The following STIM1 variants were observed in gnomAD, a reference collection of about 807,000 sequenced individuals.
STIM1 encodes the protein stromal interaction molecule 1.
STIM1 carries 25 observed loss-of-function variants against 74.7 expected under a neutral mutation model. The observed-to-expected ratio is 0.33, with a 90% CI of 0.24 to 0.47. The LOEUF (loss-of-function observed/expected upper bound fraction) is 0.47, where lower values mean the gene tolerates loss of function less well. STIM1 is among the 20% of genes least tolerant of loss of function. The probability of loss-of-function intolerance (pLI) is 1.00; values close to 1 mark genes in which losing one functional copy is unlikely to be tolerated. For missense variants in STIM1, 728 were observed against 920.8 expected (o/e 0.79, Z 2.71); for synonymous variants, 328 against 348.8 (o/e 0.94, Z 0.66).
intron 2 of STIM1, among the ~76,000 whole-genome samples, chr11:4,012,489 G>C (rs1044147063): frequency 6.6e-5 from 10 of 152,106 alleles, no homozygotes; most frequent in African/African-American, 2.2e-4. Flanking sequence ...TGTAGTAATT[G>C]TGAATGGGAG....
intron 6 of STIM1, among the ~76,000 whole-genome samples, chr11:4,073,314 T>C (rs1269106031): frequency 6.6e-6 from 1 of 152,174 alleles, no homozygotes; most frequent in African/African-American, 2.4e-5. Flanking sequence ...ATTAGCAAAC[T>C]CTCAGTCTTT....
intron 1 of STIM1, among the ~76,000 whole-genome samples, chr11:3,912,386 A>T (rs2092579240): frequency 6.7e-6 from 1 of 149,498 alleles, no homozygotes; most frequent in African/African-American, 2.5e-5. Flanking sequence ...TTTTTTTGAG[A>T]CGGAGTTTCA....
chr11:3,934,780 A>G (rs2092913193), intron 1 of STIM1, among the ~76,000 whole-genome samples: 1 of 152,230 alleles, frequency 6.6e-6, no homozygotes, highest in Admixed American at 6.5e-5. Flanking sequence ...TCAAACATGC[A>G]GTGCAGTAGC....
chr11:3,951,654 C>T (rs1370184512), intron 1 of STIM1, among the ~76,000 whole-genome samples: 1 of 152,130 alleles, frequency 6.6e-6, no homozygotes, highest in Admixed American at 6.5e-5. Flanking sequence ...ACTGATTGAA[C>T]CCAGAAGGGT....
intron 1 of STIM1, among the ~76,000 whole-genome samples, chr11:3,959,239 CT>C (rs2093257048): frequency 6.6e-6 from 1 of 152,130 alleles, no homozygotes; most frequent in South Asian, 2.1e-4. Context: ...GATGGGGCCC[CT>C]GCTGGTAAAA....
At chr11:3,918,541 A>AAAAAGAAAG (rs1278692734) in intron 1 of STIM1, among the ~76,000 whole-genome samples, 1 of 146,286 alleles carries the variant, frequency 6.8e-6, no homozygotes, top group East Asian at 2.0e-4. Context: ...CTCAAAAAAA[A>AAAAAGAAAG]AAAGAAAGAA....
intron 1 of STIM1, among the ~76,000 whole-genome samples, chr11:3,899,630 T>G (rs1158564077): frequency 6.6e-6 from 1 of 151,492 alleles, no homozygotes; most frequent in Non-Finnish European, 1.5e-5. Flanking sequence ...TTTTGTCCAT[T>G]CAGTATGATA....
intron 11 of STIM1, 170 bp from the exon 12 acceptor site, chr11:4,086,307 A>T: frequency 1.4e-6 from 1 of 699,638 alleles, no homozygotes; most frequent in Non-Finnish European, 2.4e-6. Flanking sequence ...TCAATTTCCC[A>T]TCCTTTTAGG....
chr11:3,957,622 A>G (rs1243303919), intron 1 of STIM1, among the ~76,000 whole-genome samples: 1 of 151,854 alleles, frequency 6.6e-6, no homozygotes, highest in East Asian at 1.9e-4. Flanking sequence ...CAGTGTCATG[A>G]TCATGGCTGA....
chr11:4,088,068 T>G (rs1303036662), intron 12 of STIM1, among the ~76,000 whole-genome samples: 1 of 152,082 alleles, frequency 6.6e-6, no homozygotes, highest in Non-Finnish European at 1.5e-5. Context: ...CTCCGTTGGA[T>G]ATTTTTGTCT....
At chr11:4,087,029 C>T (rs1236485955) in intron 12 of STIM1, among the ~76,000 whole-genome samples, 1 of 152,188 alleles carries the variant, frequency 6.6e-6, no homozygotes, top group Non-Finnish European at 1.5e-5. Flanking sequence ...GGTCAGCCTA[C>T]TTTCTCCCCT....
Position 4,074,698 on chromosome 11 carries a change from TCCTGGACA to T in STIM1, c.969+23_969+30del. On this transcript the variant is annotated intron_variant, in intron 7 of 12. Transcript: ENST00000526596. ...GGAGCAGGTAGGAGAGTCCACAAAT[TCCTGGACA>T]CCTTGACGGGTGGGTAAAGGGCAGG... 6.4e-7 allele frequency: 1 copy of T among 1,552,404 alleles called. No homozygotes were observed. The highest frequency in any genetic ancestry group is 8.7e-7 in the Non-Finnish European group (1 of 1,147,498).
chr11:3,958,333 C>A (rs1275353104), intron 1 of STIM1, among the ~76,000 whole-genome samples: 1 of 152,018 alleles, frequency 6.6e-6, no homozygotes, highest in Non-Finnish European at 1.5e-5. Flanking sequence ...CATAACAAGA[C>A]CCCCCTCTCA....
chr11:4,078,568 AC>A (rs1402233395), intron 7 of STIM1, among the ~76,000 whole-genome samples: 5 of 143,996 alleles, frequency 3.5e-5, no homozygotes, highest in African/African-American at 5.1e-5. Context: ...TTAGGACTCT[AC>A]TTTTTTTTTT....
At chr11:3,932,991 T>C (rs2092888313) in intron 1 of STIM1, among the ~76,000 whole-genome samples, 1 of 152,234 alleles carries the variant, frequency 6.6e-6, no homozygotes, top group African/African-American at 2.4e-5. Context: ...AGGAGCTTTT[T>C]GGCTGAGGTG....
intron 1 of STIM1, among the ~76,000 whole-genome samples, chr11:3,889,738 C>T (rs1435715047): frequency 6.6e-6 from 1 of 152,122 alleles, no homozygotes; most frequent in South Asian, 2.1e-4. Context: ...AGATGCCTAA[C>T]AGGGTAACCT....
chr11:3,996,188 G>C (rs2093661920), intron 2 of STIM1, among the ~76,000 whole-genome samples: 1 of 152,150 alleles, frequency 6.6e-6, no homozygotes, highest in Non-Finnish European at 1.5e-5. Context: ...CAAAATCTTT[G>C]AGTCACGGTT....
At chr11:3,998,214 T>G (rs1404256952) in intron 2 of STIM1, among the ~76,000 whole-genome samples, 3 of 152,206 alleles carry the variant, frequency 2.0e-5, no homozygotes, top group East Asian at 3.8e-4. Flanking sequence ...TTTGTGCTAC[T>G]ATCTTCATTT....
intron 1 of STIM1, among the ~76,000 whole-genome samples, chr11:3,877,232 C>T (rs1402300668): frequency 2.0e-5 from 3 of 146,588 alleles, no homozygotes; most frequent in Non-Finnish European, 4.6e-5. Flanking sequence ...TAGTGTCTTC[C>T]TACAGAACAA....
Sources: allele counts gnomAD v4.1 joint callset (sites outside exome capture counted in the v4.1 genomes callset), GRCh38; gene constraint gnomAD v4.1.1; transcripts MANE v1.5; gene names NCBI Gene and HGNC (gene_info 2026-07-23, HGNC 2026-07-21).